Variants in HRH1 observed in about 807,000 individuals in gnomAD.
HRH1 encodes the protein histamine H1 receptor.
In HRH1, 6 loss-of-function variants were observed where a neutral mutation model predicts 10.3. That is an observed-to-expected ratio of 0.58 (90% confidence interval 0.32 to 1.15). The LOEUF (loss-of-function observed/expected upper bound fraction) is 1.15. Among genes scored for constraint, HRH1 ranks in the 50% most tolerant of loss-of-function variants. The pLI, the probability that HRH1 is intolerant of heterozygous loss-of-function variation, is 0.05. For missense variants in HRH1, 514 were observed against 615.3 expected, an observed-to-expected ratio of 0.84 and a Z score of 1.74; for synonymous variants, 242 against 236.7, an observed-to-expected ratio of 1.02 and a Z score of -0.21.
rs1252061248 is a variant in HRH1, at chr3:11,263,044, G to T, written c.*2543G>T. On this transcript the variant is annotated 3_prime_UTR_variant, in exon 2 of 2. Coordinates refer to ENST00000431010, the MANE Select transcript of HRH1 (RefSeq NM_001098212.2). The stretch of plus-strand genomic sequence containing the variant: ...AAATAGGCAAACTGAGGCCCAGAGA[G>T]ATTGAGGAACTGCTCCGAGGTCTGA... 6.0e-6 allele frequency: 1 copy of T among 167,134 alleles called. No individual in the cohort carries two copies. The highest frequency in any genetic ancestry group is 1.5e-5 in the Non-Finnish European group (1 of 68,132). 10.4% of individuals were successfully genotyped at this position (167,134 alleles called of 1,614,324 possible).
At chr3:11,230,195 T>C (rs934078842) in intron 1 of HRH1, among the ~76,000 whole-genome samples, 3 of 152,122 alleles carry the variant, frequency 2.0e-5, no homozygotes, top group Non-Finnish European at 2.9e-5. Flanking sequence ...CAGGGGAAGA[T>C]GAGAGAGACC....
At chr3:11,231,015 C>G (rs186677653) in intron 1 of HRH1, among the ~76,000 whole-genome samples, 43 of 152,302 alleles carry the variant, frequency 2.8e-4, no homozygotes, top group African/African-American at 9.6e-4. Context: ...TCACCTCCCC[C>G]ATCCCTAAAC....
chr3:11,139,061 C>T (rs146962562), intron 1 of HRH1, among the ~76,000 whole-genome samples: 1,884 of 151,458 alleles, frequency 0.012, 39 homozygotes, highest in African/African-American at 0.039. Context: ...GATCTCGGCT[C>T]ACTGCAGCCT....
At chr3:11,169,784 C>T (rs540535974) in intron 1 of HRH1, among the ~76,000 whole-genome samples, 24 of 152,328 alleles carry the variant, frequency 1.6e-4, no homozygotes, top group African/African-American at 4.8e-4. Context: ...TCAATATCCA[C>T]GTGAGTTGCT....
At position 11,252,437 on chromosome 3, in the gene HRH1, G is replaced by A. The variant is rs367914752; in HGVS notation, c.-35-6566G>A. 3.9e-5 allele frequency among the ~76,000 whole-genome samples: 6 copies of A among 152,156 alleles called. No individual in the cohort carries two copies. The East Asian group carries it at 5.8e-4, about 15-fold the overall frequency. ...TGGAGGGGACATATGCACGAGGGCA[G>A]GGAAAATTTCTCTAGGACTTGTTCT... On this transcript the variant is annotated intron_variant, in intron 1 of 1. Transcript: ENST00000431010.
intron 1 of HRH1, among the ~76,000 whole-genome samples, chr3:11,204,983 T>A (rs1301029396): frequency 6.6e-6 from 1 of 152,224 alleles, no homozygotes; most frequent in Non-Finnish European, 1.5e-5. Flanking sequence ...GTGGCATCCT[T>A]GCTTGAAATC....
At chr3:11,223,183 CAAAAA>C (rs58149660) in intron 1 of HRH1, among the ~76,000 whole-genome samples, 331 of 26,768 alleles carry the variant, frequency 0.012, 2 homozygotes, top group African/African-American at 0.041. Flanking sequence ...GACTTCGTCT[CAAAAA>C]AAAAAAAAAA....
rs554283464 is a variant in HRH1 at position 11,262,986 on chromosome 3, C to T, written c.*2485C>T. 6.0e-6 allele frequency: 1 copy of T among 167,144 alleles called. No homozygotes were observed. Among genetic ancestry groups the T allele is most frequent in the South Asian group, 2.1e-4 (1 of 4,824 alleles). 10.4% of individuals were successfully genotyped at this position (167,144 alleles called of 1,614,324 possible). On this transcript the variant is annotated 3_prime_UTR_variant, in exon 2 of 2. Coordinates refer to ENST00000431010, the MANE Select transcript of HRH1 (RefSeq NM_001098212.2). The stretch of plus-strand genomic sequence containing the variant: ...GTGCCATTATGTAATGTTGCCTTTA[C>T]AACAACCTCATGAGGGAGATTTCCA...
intron 1 of HRH1, among the ~76,000 whole-genome samples, chr3:11,168,448 C>A (rs1937090073): frequency 6.6e-6 from 1 of 152,200 alleles, no homozygotes; most frequent in South Asian, 2.1e-4. Context: ...GTGGCAGGGG[C>A]CTAGGCCAGG....
At chr3:11,248,093 G>A (rs1208714704) in intron 1 of HRH1, among the ~76,000 whole-genome samples, 1 of 152,124 alleles carries the variant, frequency 6.6e-6, no homozygotes, top group Admixed American at 6.5e-5. Flanking sequence ...ATCGGGGGCG[G>A]TGTTATTAGG....
chr3:11,249,212 C>T lies in HRH1; in HGVS notation c.-35-9791C>T, dbSNP rs1256603003. Among the ~76,000 whole-genome samples, 11 of 151,912 alleles carry T rather than the reference C, an allele frequency of 7.2e-5. No homozygotes were observed. The East Asian group carries it at 2.1e-3, about 29-fold the overall frequency. ...GAGATCCAGACCATCCTGGATAACACAGTGAAACCCCGTCTCTACTAAAAA... is the reference window on the plus strand; with the variant it reads ...GAGATCCAGACCATCCTGGATAACATAGTGAAACCCCGTCTCTACTAAAAA... On this transcript the variant is annotated intron_variant, in intron 1 of 1. Transcript: ENST00000431010.
chr3:11,208,549 T>C (rs891354283), intron 1 of HRH1, among the ~76,000 whole-genome samples: 1 of 152,234 alleles, frequency 6.6e-6, no homozygotes, highest in African/African-American at 2.4e-5. Flanking sequence ...CTTGAAATCC[T>C]TCTACCAAGA....
intron 1 of HRH1, among the ~76,000 whole-genome samples, chr3:11,224,464 G>A (rs956073661): frequency 2.0e-5 from 3 of 152,182 alleles, no homozygotes; most frequent in Admixed American, 6.5e-5. Flanking sequence ...TTGGGAGGCC[G>A]CGGCAGGCGG....
At chr3:11,147,598 T>C (rs60488799) in intron 1 of HRH1, among the ~76,000 whole-genome samples, 21,628 of 152,086 alleles carry the variant, frequency 0.14, 1,770 homozygotes, top group East Asian at 0.3. Flanking sequence ...TGTGATCCCA[T>C]TCCAGTAGGT....
intron 1 of HRH1, among the ~76,000 whole-genome samples, chr3:11,255,141 TA>T (rs1939751907): frequency 6.6e-6 from 1 of 152,092 alleles, no homozygotes; most frequent in Admixed American, 6.5e-5. Context: ...AACAGAGAAC[TA>T]AACCTTTTTG....
intron 1 of HRH1, among the ~76,000 whole-genome samples, chr3:11,163,823 A>G (rs1024473771): frequency 6.6e-6 from 1 of 152,096 alleles, no homozygotes; most frequent in Non-Finnish European, 1.5e-5. Flanking sequence ...ACTCAGAGGT[A>G]TTCTCTTCCA....
chr3:11,238,899 A>G (rs1261108114), intron 1 of HRH1, among the ~76,000 whole-genome samples: 1 of 152,230 alleles, frequency 6.6e-6, no homozygotes, highest in African/African-American at 2.4e-5. Context: ...CCACATTTTA[A>G]TCAAAATCCA....
intron 1 of HRH1, among the ~76,000 whole-genome samples, chr3:11,149,408 A>G (rs1227965452): frequency 6.6e-6 from 1 of 152,242 alleles, no homozygotes; most frequent in Non-Finnish European, 1.5e-5. Context: ...GCTTTTGCCT[A>G]TGAAAAAACT....
At chr3:11,234,713 T>C (rs347614) in intron 1 of HRH1, 656,361 of 950,450 alleles carry the variant, frequency 0.69, 229,386 homozygotes, top group Non-Finnish European at 0.73. Context: ...CTTGCAGAAG[T>C]GGCGGTGGCA....
Sources: gnomAD v4.1 joint callset for allele counts (sites outside exome capture counted in the v4.1 genomes callset) on GRCh38, gnomAD v4.1.1 for gene constraint, MANE v1.5 for transcripts, NCBI Gene and HGNC (gene_info 2026-07-23, HGNC 2026-07-21) for gene names.